DNAH8: variants seen among roughly 807,000 people sequenced by gnomAD.
DNAH8 encodes the protein axonemal beta dynein heavy chain 8.
DNAH8 carries 382 observed loss-of-function variants against 562.1 expected under a neutral mutation model. That is an observed-to-expected ratio of 0.68 (90% CI 0.63 to 0.74). DNAH8 has a LOEUF of 0.74. DNAH8 is among the 30% of genes least tolerant of loss of function. The pLI is 0.00. For synonymous variants in DNAH8, 1,881 were observed against 1,919.4 expected, an observed-to-expected ratio of 0.98 and a Z score of 0.52; for missense variants, 5,203 against 5,620.4, an observed-to-expected ratio of 0.93 and a Z score of 2.37.
intron 17 of DNAH8, among the ~76,000 whole-genome samples, chr6:38,785,145 C>T (rs1434748832): frequency 6.6e-6 from 1 of 152,162 alleles, no homozygotes; most frequent in Non-Finnish European, 1.5e-5. Context: ...TGTTTTTTCA[C>T]AAGTAAAACA....
chr6:38,977,105 C>A (rs556230733), intron 85 of DNAH8, among the ~76,000 whole-genome samples: 1 of 152,210 alleles, frequency 6.6e-6, no homozygotes, highest in Non-Finnish European at 1.5e-5. Flanking sequence ...GAGCACCTCT[C>A]CTTTTCTGGG....
chr6:38,849,573 T>C (rs762326654), intron 37 of DNAH8, among the ~76,000 whole-genome samples: 3 of 120,756 alleles, frequency 2.5e-5, no homozygotes, highest in Non-Finnish European at 4.6e-5. Context: ...TTTTTTTTGC[T>C]TTTTTTTTTT....
chr6:38,868,502 A>C (rs558340869), intron 48 of DNAH8, among the ~76,000 whole-genome samples: 2 of 152,282 alleles, frequency 1.3e-5, no homozygotes, highest in East Asian at 3.9e-4. Flanking sequence ...TTCTCAGCAT[A>C]AGAATCTGGA....
At chr6:39,017,986 A>G (rs570591593) in intron 91 of DNAH8, among the ~76,000 whole-genome samples, 1 of 152,274 alleles carries the variant, frequency 6.6e-6, no homozygotes, top group Admixed American at 6.5e-5. Context: ...ATCTAATAGC[A>G]ATTCTAAGCA....
intron 23 of DNAH8, among the ~76,000 whole-genome samples, chr6:38,806,463 C>T (rs1771283772): frequency 6.6e-6 from 1 of 152,152 alleles, no homozygotes; most frequent in Non-Finnish European, 1.5e-5. Flanking sequence ...TCAGCTGGAG[C>T]ACTCCCCTCT....
chr6:38,895,703 A>T (rs1489218906), intron 59 of DNAH8, among the ~76,000 whole-genome samples: 2 of 152,154 alleles, frequency 1.3e-5, no homozygotes, highest in Non-Finnish European at 2.9e-5. Flanking sequence ...TTATATTGTC[A>T]ATCTGAAAAG....
At chr6:38,770,197 T>C (rs1325610500) in intron 11 of DNAH8, among the ~76,000 whole-genome samples, 1 of 152,044 alleles carries the variant, frequency 6.6e-6, no homozygotes, top group African/African-American at 2.4e-5. Context: ...ACAAATAGTA[T>C]ATGGTATGCT....
intron 8 of DNAH8, among the ~76,000 whole-genome samples, chr6:38,747,813 GT>G (rs1327253910): frequency 1.3e-5 from 2 of 152,024 alleles, no homozygotes; most frequent in South Asian, 2.1e-4. Flanking sequence ...AGTTTATACA[GT>G]TTTTTTCTCC....
chr6:38,946,688 T>C (rs1017427097), intron 80 of DNAH8, among the ~76,000 whole-genome samples: 1 of 152,132 alleles, frequency 6.6e-6, no homozygotes, highest in African/African-American at 2.4e-5. Context: ...CGGGTGCCTG[T>C]AATCCCAGCT....
intron 42 of DNAH8, among the ~76,000 whole-genome samples, chr6:38,858,650 A>G (rs1776379473): frequency 2.6e-5 from 4 of 152,312 alleles, no homozygotes; most frequent in South Asian, 4.1e-4. Context: ...TTTTATCAAG[A>G]TTCTTAGGAG....
rs1299746484 is a variant in DNAH8, at chr6:38,917,232, A to G, written c.10141-7A>G. The G allele has an allele frequency of 6.4e-7, 1 of 1,558,918 alleles. No homozygotes were observed. Among genetic ancestry groups the G allele is most frequent in the South Asian group, 1.1e-5 (1 of 87,884 alleles). On this transcript the variant is annotated splice_region_variant and splice_polypyrimidine_tract_variant and intron_variant, in intron 68 of 92. Coordinates refer to ENST00000327475, the MANE Select transcript of DNAH8 (RefSeq NM_001206927.2). The stretch of plus-strand genomic sequence containing the variant: ...AACAAAATATTGATCCTTAATCCCA[A>G]ATATAGACTATCAAGCCAAATGATA...
At chr6:38,986,294 C>T (rs781038352) in intron 87 of DNAH8, among the ~76,000 whole-genome samples, 8 of 152,028 alleles carry the variant, frequency 5.3e-5, no homozygotes, top group African/African-American at 1.2e-4. Flanking sequence ...ATGATCTATA[C>T]GACATCATGC....
chr6:38,944,732 G>A (rs1783713668), intron 79 of DNAH8, among the ~76,000 whole-genome samples: 1 of 152,178 alleles, frequency 6.6e-6, no homozygotes, highest in African/African-American at 2.4e-5. Context: ...CAAGGGCCTG[G>A]TTGGGTTTTC....
In DNAH8 at chr6:38,737,176, C is replaced by T. The variant is rs371250738; in HGVS notation, c.872C>T (p.Ala291Val). ...PAVLATNNWGALNQSKQGESE... is the reference protein window; with the variant it reads ...PAVLATNNWGVLNQSKQGESE... Reference sequence around the variant, plus strand: ...GTTCTTGCAACAAACAACTGGGGTGCTTTAAACCAGTCCAAGCAGGGAGAA... The same window carrying T: ...GTTCTTGCAACAAACAACTGGGGTGTTTTAAACCAGTCCAAGCAGGGAGAA... Residue 291 changes from alanine (A) to valine (V), a missense_variant, in exon 6 of 93, where the codon GCT becomes GTT. By Grantham distance (64) the Ala-to-Val change is moderately conservative. Transcript: ENST00000327475. 1.4e-5 allele frequency: 22 copies of T among 1,573,008 alleles called. No individual in the cohort carries two copies. The highest frequency in any genetic ancestry group is 3.4e-4 in the Middle Eastern group (2 of 5,948).
intron 68 of DNAH8, 135 bp downstream of exon 68, chr6:38,915,512 G>T: frequency 1.3e-6 from 1 of 757,588 alleles, no homozygotes; most frequent in Non-Finnish European, 1.9e-6. Context: ...AAACAAATGT[G>T]TCAATTAATT....
chr6:38,778,341 A>G (rs749112123), intron 13 of DNAH8, 47 bp from the exon 14 acceptor site: 1 of 1,073,878 alleles, frequency 9.3e-7, no homozygotes, highest in Non-Finnish European at 1.4e-6. Context: ...AACAAAACCA[A>G]TCTCTTTAAC....
At chr6:38,912,094 G>T (rs1335011639) in intron 66 of DNAH8, among the ~76,000 whole-genome samples, 1 of 152,158 alleles carries the variant, frequency 6.6e-6, no homozygotes, top group Non-Finnish European at 1.5e-5. Flanking sequence ...GTAAACATTG[G>T]AAGAGATTAT....
intron 57 of DNAH8, among the ~76,000 whole-genome samples, 156 bp from the exon 58 acceptor site, chr6:38,890,495 TG>T (rs1373356229): frequency 4.2e-4 from 64 of 152,332 alleles, no homozygotes; most frequent in Non-Finnish European, 9.0e-4. Context: ...TAAGCTTGGC[TG>T]GATCCACTAC....
intron 12 of DNAH8, among the ~76,000 whole-genome samples, chr6:38,773,882 C>T (rs985969948): frequency 1.3e-5 from 2 of 152,000 alleles, no homozygotes; most frequent in African/African-American, 2.4e-5. Flanking sequence ...TAGGGAAGGC[C>T]GAGATTCGAA....
Sources: gnomAD v4.1 joint callset for allele counts (sites outside exome capture counted in the v4.1 genomes callset) on GRCh38, gnomAD v4.1.1 for gene constraint, MANE v1.5 for transcripts, NCBI Gene and HGNC (gene_info 2026-07-23, HGNC 2026-07-21) for gene names.